The following CDH7 variants were observed in gnomAD, a reference collection of about 807,000 sequenced individuals.
CDH7 encodes the protein cadherin-7.
A neutral mutation model predicts 71.8 loss-of-function variants in CDH7; 25 were observed. The ratio of observed to expected loss-of-function variants is 0.35; its 90% confidence interval spans 0.25 to 0.49. The LOEUF (loss-of-function observed/expected upper bound fraction) is 0.49, where lower values mean the gene tolerates loss of function less well. Among genes scored for constraint, CDH7 ranks in the 20% least tolerant of loss-of-function variants. The pLI, the probability that CDH7 is intolerant of heterozygous loss-of-function variation, is 0.99. For synonymous variants in CDH7, 381 were observed against 363.8 expected (o/e 1.05, Z -0.54); for missense variants, 862 against 974.6 (o/e 0.88, Z 1.54).
intron 4 of CDH7, among the ~76,000 whole-genome samples, chr18:65,815,794 C>T (rs1024392762): frequency 2.6e-5 from 4 of 152,116 alleles, no homozygotes. Flanking sequence ...ATGTGGAAAG[C>T]GTGCTTCTGT....
chr18:65,882,720 T>C lies in CDH7; in HGVS notation c.*1826T>C, dbSNP rs549942870. ...TTCTTGCTGTATTAATATGCATATA[T>C]ATTTTAAAAAATTATAACAGTGAAA... On this transcript the variant is annotated 3_prime_UTR_variant, in exon 12 of 12. Coordinates refer to ENST00000397968, the MANE Select transcript of CDH7 (RefSeq NM_004361.5). 1 of 152,254 alleles carries C rather than the reference T, an allele frequency of 6.6e-6. No homozygotes were observed. The highest frequency in any genetic ancestry group is 2.1e-4 in the South Asian group (1 of 4,830). 9.4% of individuals were successfully genotyped at this position (152,254 alleles called of 1,614,324 possible). A position where few individuals can be genotyped will look rare whatever the true frequency, so the allele number is the denominator to read the frequency against.
Position 65,863,027 on chromosome 18 carries a change from A to T in CDH7, c.1864+110A>T, listed in dbSNP as rs1052615972. 3 of 1,229,094 alleles carry T rather than the reference A, an allele frequency of 2.4e-6. No individual in the cohort carries two copies. In the Admixed American group the frequency reaches 6.4e-5, roughly 26 times the overall value. 76.1% of individuals were successfully genotyped at this position (1,229,094 alleles called of 1,614,324 possible). ...TGAACATATGCAGATATTCTACTGG[A>T]TGGTGTTTGTTTTGTTTTGTTTTTC... On this transcript the variant is annotated intron_variant, in intron 11 of 11. Transcript: ENST00000397968.
chr18:65,800,636 A>G (rs1911088102), intron 2 of CDH7, among the ~76,000 whole-genome samples: 2 of 152,194 alleles, frequency 1.3e-5, no homozygotes, highest in Admixed American at 1.3e-4. Flanking sequence ...AAAATAATAA[A>G]GTGATTAGCA....
In CDH7 at chr18:65,884,708, A is replaced by C. The variant is rs1460171167; in HGVS notation, c.*3814A>C. On this transcript the variant is annotated 3_prime_UTR_variant, in exon 12 of 12. Transcript: ENST00000397968. ...AAATATAAAATCTAAAGCAGCTTAA[A>C]ATAAGCTAAGCTAAACAAACTGCAA... 2 of 152,236 alleles carry C rather than the reference A, an allele frequency of 1.3e-5. No individual in the cohort carries two copies. The highest frequency in any genetic ancestry group is 1.9e-4 in the East Asian group (1 of 5,202). 9.4% of individuals were successfully genotyped at this position (152,236 alleles called of 1,614,324 possible). A position where few individuals can be genotyped will look rare whatever the true frequency, so the allele number is the denominator to read the frequency against.
chr18:65,830,286 G>C (rs1912289454), intron 6 of CDH7, among the ~76,000 whole-genome samples: 1 of 152,096 alleles, frequency 6.6e-6, no homozygotes, highest in Admixed American at 6.5e-5. Flanking sequence ...TTTGCAAATA[G>C]AGTGGATTAC....
chr18:65,815,926 C>T lies in CDH7; in HGVS notation c.625+1322C>T, dbSNP rs1911708927. 2.6e-5 allele frequency among the ~76,000 whole-genome samples: 4 copies of T among 152,246 alleles called. No homozygotes were observed. The South Asian group carries it at 8.3e-4, about 32-fold the overall frequency. ...CTGACAATATGCTCACAATCATACA[C>T]TCCTGCCTTATATAACTTGTCCAAA... On this transcript the variant is annotated intron_variant, in intron 4 of 11. Transcript: ENST00000397968.
In CDH7 at chr18:65,880,434, G is replaced by A. The variant is rs1308281170; in HGVS notation, c.1898G>A (p.Arg633Gln). The A allele has an allele frequency of 1.9e-6, 3 of 1,557,692 alleles. No homozygotes were observed. Among genetic ancestry groups the A allele is most frequent in the East Asian group, 2.2e-5 (1 of 44,684 alleles). The change falls in exon 12 of 12, where the codon CGG (arginine) becomes CAG (glutamine). Residue 633 changes from arginine to glutamine, a missense_variant. Arg to Gln is a conservative substitution (Grantham distance 43). Coordinates refer to ENST00000397968, the MANE Select transcript of CDH7 (RefSeq NM_004361.5). ...CTCCTTATCGTCACTATGAGAAGACGGAAAAAAGAGCCCCTTATTTTTGAC... is the reference window on the plus strand; with the variant it reads ...CTCCTTATCGTCACTATGAGAAGACAGAAAAAAGAGCCCCTTATTTTTGAC... Reference protein sequence around the residue: ...LILLIVTMRRRKKEPLIFDEE... With the variant: ...LILLIVTMRRQKKEPLIFDEE...
chr18:65,829,086 C>T (rs562398164), intron 6 of CDH7, among the ~76,000 whole-genome samples: 1 of 147,894 alleles, frequency 6.8e-6, no homozygotes, highest in South Asian at 2.2e-4. Flanking sequence ...CAACAGAAGG[C>T]ATAAACCTAA....
At position 65,855,070 on chromosome 18, in the gene CDH7, A is replaced by C. The variant is rs114912020; in HGVS notation, c.1236-2746A>C. On this transcript the variant is annotated intron_variant, in intron 7 of 11. Transcript: ENST00000397968. The stretch of plus-strand genomic sequence containing the variant: ...AGAGTGGAGCCATCAGGCCTCTAAA[A>C]AGTAAATATTAGCAGGTAGTTTAGT... 4.3e-3 allele frequency among the ~76,000 whole-genome samples: 647 copies of C among 152,156 alleles called. 7 individuals carry two copies. The highest frequency in any genetic ancestry group is 0.014 in the African/African-American group (598 of 41,530).
At position 65,782,107 on chromosome 18, in the gene CDH7, C is replaced by CTTCCTTCT. The variant is rs1910309338; in HGVS notation, c.210+19058_210+19059insCTTCTTTC. Among the ~76,000 whole-genome samples, 161 of 25,218 alleles carry CTTCCTTCT rather than the reference C, an allele frequency of 6.4e-3. 1 individual carries two copies. Among genetic ancestry groups the CTTCCTTCT allele is most frequent in the Non-Finnish European group, 7.5e-3 (125 of 16,648 alleles). 16.5% of individuals were successfully genotyped at this position (25,218 alleles called of 152,430 possible). A position where few individuals can be genotyped will look rare whatever the true frequency, so the allele number is the denominator to read the frequency against. On this transcript the variant is annotated intron_variant, in intron 2 of 11. Transcript: ENST00000397968. ...CCTTCCTTCCTTCCTTCCTTCCTTC[C>CTTCCTTCT]TTCTTTCTTTCTTTCTTTCTTTCTT...
Position 65,868,758 on chromosome 18 carries a change from T to C in CDH7, c.1864+5841T>C, listed in dbSNP as rs1449250234. Among the ~76,000 whole-genome samples, 2 of 152,180 alleles carry C rather than the reference T, an allele frequency of 1.3e-5. 1 individual carries two copies. Among genetic ancestry groups the C allele is most frequent in the South Asian group, 4.1e-4 (2 of 4,824 alleles). ...ACAAATTGTCTTTGTGCATAAACCA[T>C]TCATTGTACTTAGGAAACTTTTCTT... On this transcript the variant is annotated intron_variant, in intron 11 of 11. Coordinates refer to ENST00000397968, the MANE Select transcript of CDH7 (RefSeq NM_004361.5).
chr18:65,857,361 T>A (rs4503898), intron 7 of CDH7, among the ~76,000 whole-genome samples: 347 of 107,218 alleles, frequency 3.2e-3, no homozygotes, highest in East Asian at 0.027. Flanking sequence ...ATAATAATAA[T>A]AAAATAGCCA....
At chr18:65,854,854 T>C (rs1207230973) in intron 7 of CDH7, among the ~76,000 whole-genome samples, 3 of 151,976 alleles carry the variant, frequency 2.0e-5, no homozygotes, top group Non-Finnish European at 4.4e-5. Flanking sequence ...ATGACTTACA[T>C]AGAAGTGTAT....
At chr18:65,797,082 C>G (rs183723240) in intron 2 of CDH7, among the ~76,000 whole-genome samples, 6 of 152,204 alleles carry the variant, frequency 3.9e-5, no homozygotes, top group Admixed American at 1.3e-4. Context: ...TCCACTCTCT[C>G]CAGGTGGTGT....
chr18:65,874,633 T>C (rs1456974444), intron 11 of CDH7, among the ~76,000 whole-genome samples: 2 of 152,006 alleles, frequency 1.3e-5, no homozygotes, highest in East Asian at 3.9e-4. Context: ...GATAAACGCA[T>C]GTAAAAAAAT....
Position 65,815,448 on chromosome 18 carries a change from A to C in CDH7, c.625+844A>C, listed in dbSNP as rs573953306. On this transcript the variant is annotated intron_variant, in intron 4 of 11. Transcript: ENST00000397968. ...ACATTTATGATTATGAATAGTCATC[A>C]GTACCTGTAATCCTAAATGAATATT... Among the ~76,000 whole-genome samples the C allele has an allele frequency of 5.3e-5, 8 of 152,356 alleles. No individual in the cohort carries two copies. The East Asian group carries it at 1.5e-3, about 29-fold the overall frequency.
At chr18:65,757,594 A>G (rs181668108) in intron 1 of CDH7, among the ~76,000 whole-genome samples, 1 of 151,616 alleles carries the variant, frequency 6.6e-6, no homozygotes, top group African/African-American at 2.4e-5. Context: ...ATCTTCCTCA[A>G]TTTTTTTTCC....
Position 65,814,394 on chromosome 18 carries a change from A to T in CDH7, c.506-91A>T. 3 of 1,402,466 alleles carry T rather than the reference A, an allele frequency of 2.1e-6. No individual in the cohort carries two copies. In the South Asian group the frequency reaches 3.5e-5, roughly 16 times the overall value. The allele number at this position is 1,402,466 out of a possible 1,614,324, so 86.9% of individuals were successfully genotyped here. A position where few individuals can be genotyped will look rare whatever the true frequency, so the allele number is the denominator to read the frequency against. ...AAAGATAAATGAAAATTTTCAAATAAGCTTAATGTGGAATCAGTAACATTT... is the reference window on the plus strand; with the variant it reads ...AAAGATAAATGAAAATTTTCAAATATGCTTAATGTGGAATCAGTAACATTT... On this transcript the variant is annotated intron_variant, in intron 3 of 11. Coordinates refer to ENST00000397968, the MANE Select transcript of CDH7 (RefSeq NM_004361.5).
chr18:65,767,534 A>C (rs1188864819), intron 2 of CDH7, among the ~76,000 whole-genome samples: 1 of 152,194 alleles, frequency 6.6e-6, no homozygotes, highest in Non-Finnish European at 1.5e-5. Flanking sequence ...CAAACAGGAA[A>C]AGTGTCCTCT....
Sources: gnomAD v4.1 joint callset for allele counts (sites outside exome capture counted in the v4.1 genomes callset) on GRCh38, gnomAD v4.1.1 for gene constraint, MANE v1.5 for transcripts, NCBI Gene and HGNC (gene_info 2026-07-23, HGNC 2026-07-21) for gene names.